SLC24A2: variants seen among roughly 807,000 people sequenced by gnomAD.
SLC24A2 encodes the protein solute carrier family 24 member 2, also known as sodium/potassium/calcium exchanger 2.
A neutral mutation model predicts 62.0 loss-of-function variants in SLC24A2; 36 were observed. That is an observed-to-expected ratio of 0.58 (90% confidence interval 0.44 to 0.77). SLC24A2 has a LOEUF of 0.77. Ranked by LOEUF, SLC24A2 falls within the 30% of genes least tolerant of loss-of-function variation. SLC24A2 has a pLI of 0.00. For synonymous variants in SLC24A2, 358 were observed against 294.0 expected, an observed-to-expected ratio of 1.22 and a Z score of -2.23; for missense variants, 846 against 817.9, an observed-to-expected ratio of 1.03 and a Z score of -0.42.
At chr9:20,090,145 C>A in the SLC24A2 span, among the ~76,000 whole-genome samples, 3 of 152,160 alleles carry the variant, frequency 2.0e-5, no homozygotes, top group Admixed American at 6.5e-5. Flanking sequence ...CCTACCCACA[C>A]TCCTGCTCAT....
the SLC24A2 span, among the ~76,000 whole-genome samples, chr9:20,017,996 G>GA: frequency 3.3e-5 from 5 of 152,238 alleles, no homozygotes; most frequent in East Asian, 7.7e-4. Flanking sequence ...ACCCAGGCTG[G>GA]AGTGCAGTGG....
the SLC24A2 span, among the ~76,000 whole-genome samples, chr9:19,893,835 A>G: frequency 6.6e-6 from 1 of 152,098 alleles, no homozygotes; most frequent in Non-Finnish European, 1.5e-5. Context: ...GTCAAATTGC[A>G]CCTCATGTTT....
the SLC24A2 span, among the ~76,000 whole-genome samples, chr9:19,829,065 C>T: frequency 4.6e-5 from 7 of 152,206 alleles, no homozygotes; most frequent in South Asian, 2.1e-4. Context: ...ACCCTTTGCT[C>T]GAACTCCTTT....
At chr9:20,003,708 G>C in the SLC24A2 span, among the ~76,000 whole-genome samples, 1 of 152,156 alleles carries the variant, frequency 6.6e-6, no homozygotes, top group Non-Finnish European at 1.5e-5. Context: ...TAGCTCTGCT[G>C]TTGTAGCATG....
chr9:20,203,111 C>T, the SLC24A2 span, among the ~76,000 whole-genome samples: 1 of 123,652 alleles, frequency 8.1e-6, no homozygotes, highest in African/African-American at 3.6e-5. Context: ...TGGAGAACCA[C>T]TGACTAAAAG....
the SLC24A2 span, among the ~76,000 whole-genome samples, chr9:19,909,301 G>T: frequency 1.3e-5 from 2 of 151,688 alleles, no homozygotes; most frequent in Admixed American, 1.3e-4. Flanking sequence ...ATGGACACAG[G>T]AAGGGGAACA....
chr9:19,600,181 C>T (rs1836806559), intron 4 of SLC24A2, among the ~76,000 whole-genome samples: 1 of 152,130 alleles, frequency 6.6e-6, no homozygotes, highest in Admixed American at 6.5e-5. Flanking sequence ...AATTCCAGAA[C>T]CCTGTGGTCG....
At chr9:19,527,233 A>T (rs187401633) in intron 9 of SLC24A2, among the ~76,000 whole-genome samples, 34 of 152,328 alleles carry the variant, frequency 2.2e-4, no homozygotes, top group African/African-American at 7.2e-4. Flanking sequence ...TGTAGTTTAT[A>T]ATAGAGATTA....
At chr9:20,040,726 T>C in the SLC24A2 span, among the ~76,000 whole-genome samples, 1 of 152,180 alleles carries the variant, frequency 6.6e-6, no homozygotes, top group Admixed American at 6.5e-5. Flanking sequence ...TGAAGATGCA[T>C]CATGGCTATT....
the SLC24A2 span, among the ~76,000 whole-genome samples, chr9:19,868,400 T>G: frequency 6.6e-6 from 1 of 152,348 alleles, no homozygotes; most frequent in Admixed American, 6.5e-5. Context: ...GCATATGGTT[T>G]CATATGGTTT....
the SLC24A2 span, among the ~76,000 whole-genome samples, chr9:20,015,002 A>G: frequency 6.6e-6 from 1 of 152,252 alleles, no homozygotes; most frequent in Admixed American, 6.5e-5. Context: ...ATAAATGTAT[A>G]GAATTATAGT....
chr9:19,657,703 C>T (rs966748104), intron 2 of SLC24A2, among the ~76,000 whole-genome samples: 2 of 152,198 alleles, frequency 1.3e-5, no homozygotes, highest in South Asian at 2.1e-4. Flanking sequence ...AGATGTCACA[C>T]TGCAGAACCC....
chr9:19,739,379 A>G (rs1821606048), intron 2 of SLC24A2, among the ~76,000 whole-genome samples: 1 of 152,200 alleles, frequency 6.6e-6, no homozygotes. Flanking sequence ...AAAAGGCCAA[A>G]AAGAATCAAG....
intron 8 of SLC24A2, among the ~76,000 whole-genome samples, chr9:19,528,587 T>G (rs1443347008): frequency 2.0e-5 from 3 of 152,158 alleles, no homozygotes; most frequent in Non-Finnish European, 4.4e-5. Context: ...AGGAAACCTA[T>G]GGGATTAATT....
the SLC24A2 span, among the ~76,000 whole-genome samples, chr9:20,028,684 A>G: frequency 7.0e-4 from 107 of 152,218 alleles, 1 homozygote; most frequent in East Asian, 0.02. Flanking sequence ...AAGCTCCCCA[A>G]AGGGCAATAA....
At chr9:20,168,741 C>T in the SLC24A2 span, among the ~76,000 whole-genome samples, 36,176 of 151,792 alleles carry the variant, frequency 0.24, 5,388 homozygotes, top group African/African-American at 0.43. Flanking sequence ...TTGAAGCCCT[C>T]GTGTATTGCT....
chr9:19,601,144 C>G (rs953897276), intron 4 of SLC24A2, among the ~76,000 whole-genome samples: 2 of 151,980 alleles, frequency 1.3e-5, no homozygotes, highest in African/African-American at 4.8e-5. Flanking sequence ...TAGCCAGCAA[C>G]GAGATTGTAA....
intron 2 of SLC24A2, among the ~76,000 whole-genome samples, chr9:19,712,930 C>T (rs1415634537): frequency 6.6e-6 from 1 of 152,102 alleles, no homozygotes; most frequent in Non-Finnish European, 1.5e-5. Context: ...CACCAAATGT[C>T]CCTGGAGAGG....
the SLC24A2 span, among the ~76,000 whole-genome samples, chr9:19,896,140 C>A: frequency 6.6e-6 from 1 of 152,172 alleles, no homozygotes; most frequent in Non-Finnish European, 1.5e-5. Flanking sequence ...CCTTTCCTTT[C>A]ATGCCTGTTT....
Sources: gnomAD v4.1 joint callset for allele counts (sites outside exome capture counted in the v4.1 genomes callset) on GRCh38, gnomAD v4.1.1 for gene constraint, MANE v1.5 for transcripts, NCBI Gene and HGNC (gene_info 2026-07-23, HGNC 2026-07-21) for gene names.